Variants in CACNA2D3 observed in about 807,000 individuals in gnomAD.
CACNA2D3 encodes the protein calcium voltage-gated channel auxiliary subunit alpha2delta 3.
CACNA2D3 carries 60 observed loss-of-function variants against 160.6 expected under a neutral mutation model. That is an observed-to-expected ratio of 0.37 (90% CI 0.30 to 0.46). The LOEUF is 0.46. Ranked by LOEUF, CACNA2D3 falls within the 20% of genes least tolerant of loss-of-function variation. The pLI is 1.00. For synonymous variants in CACNA2D3, 558 were observed against 492.9 expected (o/e 1.13, Z -1.75); for missense variants, 1,205 against 1,365.0 (o/e 0.88, Z 1.85).
intron 4 of CACNA2D3, among the ~76,000 whole-genome samples, chr3:54,459,766 G>C (rs1166702567): frequency 1.6e-4 from 24 of 152,184 alleles, no homozygotes; most frequent in South Asian, 4.1e-4. Context: ...TGCAGAAGCT[G>C]TTTAGTTTAA....
In CACNA2D3 at chr3:55,054,333, C is replaced by A. The variant is rs1469250651; in HGVS notation, c.2988-19112C>A. Among the ~76,000 whole-genome samples, 12 of 151,834 alleles carry A rather than the reference C, an allele frequency of 7.9e-5. No individual in the cohort carries two copies. In the East Asian group the frequency reaches 9.7e-4, roughly 12 times the overall value. On this transcript the variant is annotated intron_variant, in intron 35 of 37. Coordinates refer to ENST00000474759, the MANE Select transcript of CACNA2D3 (RefSeq NM_018398.3). ...GAGCTTCTGTTCATTTGTGTTTTAA[C>A]CTTGTTTTTCTCTTTGTTCTCTAAT...
chr3:54,862,006 C>A (rs1699301146), intron 17 of CACNA2D3, among the ~76,000 whole-genome samples: 1 of 152,074 alleles, frequency 6.6e-6, no homozygotes, highest in Non-Finnish European at 1.5e-5. Flanking sequence ...CACACACACA[C>A]AAAATCAAAA....
chr3:54,365,613 C>T (rs1698815411), intron 3 of CACNA2D3, among the ~76,000 whole-genome samples: 1 of 152,162 alleles, frequency 6.6e-6, no homozygotes, highest in Non-Finnish European at 1.5e-5. Flanking sequence ...CCTGTAATCC[C>T]AGCACTTTGG....
intron 4 of CACNA2D3, among the ~76,000 whole-genome samples, chr3:54,402,003 AG>A (rs1699475705): frequency 6.6e-6 from 1 of 152,186 alleles, no homozygotes; most frequent in South Asian, 2.1e-4. Context: ...TTGTTGGGAG[AG>A]GGCAAAAGTC....
Position 54,413,140 on chromosome 3 carries a change from AG to A in CACNA2D3, c.381+26368del, listed in dbSNP as rs143321938. 5.0e-3 allele frequency among the ~76,000 whole-genome samples: 760 copies of A among 151,738 alleles called. 20 individuals are homozygous for A. In the East Asian group the frequency reaches 0.071, roughly 14 times the overall value. On this transcript the variant is annotated intron_variant, in intron 4 of 37. Coordinates refer to ENST00000474759, the MANE Select transcript of CACNA2D3 (RefSeq NM_018398.3). ...ATCTTCGTTTTAACCTCATTTTGGA[AG>A]GATAATTTTGCTGGAAATAGAATTG...
intron 35 of CACNA2D3, among the ~76,000 whole-genome samples, chr3:55,029,371 A>T (rs1703635978): frequency 6.6e-6 from 1 of 152,200 alleles, no homozygotes; most frequent in East Asian, 1.9e-4. Flanking sequence ...GTGGGTTTAA[A>T]AAAAGATGTA....
At chr3:54,456,091 C>T (rs1700391940) in intron 4 of CACNA2D3, among the ~76,000 whole-genome samples, 1 of 152,060 alleles carries the variant, frequency 6.6e-6, no homozygotes, top group Admixed American at 6.6e-5. Flanking sequence ...TGAAGAATGT[C>T]ATTAGTATTT....
intron 13 of CACNA2D3, among the ~76,000 whole-genome samples, chr3:54,795,427 T>TCTA (rs1702848361): frequency 6.6e-6 from 1 of 151,842 alleles, no homozygotes; most frequent in South Asian, 2.1e-4. Flanking sequence ...ATTTTCCCAT[T>TCTA]TATATAGTAA....
Position 54,540,262 on chromosome 3 carries a change from A to T in CACNA2D3, c.545-22538A>T, listed in dbSNP as rs77176038. On this transcript the variant is annotated intron_variant, in intron 5 of 37. Coordinates refer to ENST00000474759, the MANE Select transcript of CACNA2D3 (RefSeq NM_018398.3). ...TCCTCAAACCCAGATGCCTCCCTGG[A>T]TAACAGCGTTTCTCCCCTGGCTAAC... Among the ~76,000 whole-genome samples, 1,566 of 152,292 alleles carry T rather than the reference A, an allele frequency of 0.01. 58 individuals are homozygous for T. The East Asian group carries it at 0.11, about 10-fold the overall frequency.
At chr3:54,804,623 T>C (rs898003796) in intron 13 of CACNA2D3, among the ~76,000 whole-genome samples, 54 of 152,106 alleles carry the variant, frequency 3.6e-4, no homozygotes, top group Admixed American at 1.8e-3. Context: ...CACCCCACTG[T>C]TAATATTAGA....
chr3:54,224,570 T>A (rs564281361), intron 2 of CACNA2D3, among the ~76,000 whole-genome samples: 2 of 152,326 alleles, frequency 1.3e-5, no homozygotes, highest in South Asian at 4.1e-4. Flanking sequence ...ACCACCGTCG[T>A]ATATGCCATT....
intron 4 of CACNA2D3, among the ~76,000 whole-genome samples, chr3:54,447,014 G>C (rs1311276645): frequency 6.6e-6 from 1 of 152,086 alleles, no homozygotes. Context: ...TTGACATCTT[G>C]TTAACTACAT....
intron 2 of CACNA2D3, among the ~76,000 whole-genome samples, chr3:54,309,595 G>GCA (rs1703684285): frequency 6.6e-6 from 1 of 152,116 alleles, no homozygotes; most frequent in South Asian, 2.1e-4. Flanking sequence ...ATTTAGTCAG[G>GCA]CACTCTAAAA....
intron 2 of CACNA2D3, among the ~76,000 whole-genome samples, chr3:54,264,574 G>C (rs796447544): frequency 5.3e-5 from 8 of 152,214 alleles, no homozygotes; most frequent in African/African-American, 1.9e-4. Flanking sequence ...GTTTTTTCTT[G>C]GCTATTAACA....
intron 11 of CACNA2D3, among the ~76,000 whole-genome samples, chr3:54,751,303 G>A (rs527857563): frequency 6.6e-6 from 1 of 152,156 alleles, no homozygotes; most frequent in Non-Finnish European, 1.5e-5. Flanking sequence ...AGCACAGACT[G>A]ACATTCCATA....
At chr3:55,022,689 A>T (rs1447684386) in intron 35 of CACNA2D3, among the ~76,000 whole-genome samples, 4 of 109,672 alleles carry the variant, frequency 3.6e-5, no homozygotes, top group Non-Finnish European at 3.6e-5. Flanking sequence ...CTTCCATTGG[A>T]TTGATTGGGT....
intron 2 of CACNA2D3, among the ~76,000 whole-genome samples, chr3:54,217,855 T>TGAGAGACAGA (rs745884872): frequency 7.0e-6 from 1 of 142,956 alleles, no homozygotes; most frequent in African/African-American, 2.9e-5. Context: ...AATATAGGCC[T>TGAGAGACAGA]GAGAGACAGA....
intron 3 of CACNA2D3, among the ~76,000 whole-genome samples, chr3:54,364,777 A>G (rs1698800916): frequency 1.3e-5 from 2 of 152,220 alleles, no homozygotes; most frequent in Admixed American, 6.5e-5. Context: ...TATAAGTGCA[A>G]AGAAGCGGAA....
intron 3 of CACNA2D3, among the ~76,000 whole-genome samples, chr3:54,328,895 T>A (rs55787319): frequency 6.6e-6 from 1 of 152,190 alleles, no homozygotes; most frequent in Non-Finnish European, 1.5e-5. Flanking sequence ...GCCAGCTGTT[T>A]GGAGGAATCA....
Sources: gnomAD v4.1 joint callset for allele counts (sites outside exome capture counted in the v4.1 genomes callset) on GRCh38, gnomAD v4.1.1 for gene constraint, MANE v1.5 for transcripts, NCBI Gene and HGNC (gene_info 2026-07-23, HGNC 2026-07-21) for gene names.